JMJD1C: variants seen among roughly 807,000 people sequenced by gnomAD.
JMJD1C encodes jumonji domain-containing protein 1C.
A neutral mutation model predicts 245.3 loss-of-function variants in JMJD1C; 31 were observed. The ratio of observed to expected loss-of-function variants is 0.13; its 90% CI spans 0.09 to 0.17. The LOEUF is 0.17. JMJD1C is among the 10% of genes least tolerant of loss of function. JMJD1C has a pLI of 1.00. For synonymous variants in JMJD1C, 1,057 were observed against 1,017.4 expected (o/e 1.04, Z -0.74); for missense variants, 2,691 against 3,000.2 (o/e 0.90, Z 2.41).
intron 1 of JMJD1C, among the ~76,000 whole-genome samples, chr10:63,436,189 G>A (rs1390480048): frequency 6.6e-6 from 1 of 152,132 alleles, no homozygotes; most frequent in Non-Finnish European, 1.5e-5. Context: ...TTAAGTAGTA[G>A]CCGAATTCAA....
At position 63,206,877 on chromosome 10, in the gene JMJD1C, C is replaced by G; in HGVS notation, c.4792G>C (p.Val1598Leu). 6.2e-7 allele frequency: 1 copy of G among 1,609,034 alleles called. No individual in the cohort carries two copies. Among genetic ancestry groups the G allele is most frequent in the African/African-American group, 1.3e-5 (1 of 74,784 alleles). ...ASTSSDIQNS[V>L]DSKIIVDKYV... ...TTATCAACTATGATCTTACTATCTA[C>G]ACTATTTTGTATATCACTAGATGTA... The change falls in exon 10 of 26, where the codon GTA becomes CTA. Residue 1598 changes from valine (V) to leucine (L), a missense_variant. This residue lies in a region of JMJD1C where 144 missense variants were observed against 143.3 expected (regional missense o/e 1.00). Coordinates refer to ENST00000399262, the MANE Select transcript of JMJD1C (RefSeq NM_032776.3).
intron 11 of JMJD1C, 31 bp downstream of exon 11, chr10:63,200,445 A>T: frequency 6.6e-7 from 1 of 1,514,258 alleles, no homozygotes; most frequent in Non-Finnish European, 9.2e-7. Context: ...TCAATAAATT[A>T]CTTTTTTCCC....
intron 1 of JMJD1C, among the ~76,000 whole-genome samples, chr10:63,414,939 A>G (rs1276453405): frequency 5.6e-5 from 3 of 53,218 alleles, no homozygotes; most frequent in Admixed American, 1.6e-4. Context: ...AACACTAGAG[A>G]AAAAAAAAAA....
intron 2 of JMJD1C, among the ~76,000 whole-genome samples, chr10:63,280,324 C>A (rs544151021): frequency 6.6e-6 from 1 of 151,960 alleles, no homozygotes; most frequent in African/African-American, 2.4e-5. Flanking sequence ...CTGCGGTGGA[C>A]GGATCACAAG....
At chr10:63,363,934 C>G (rs1191313343) in intron 2 of JMJD1C, among the ~76,000 whole-genome samples, 1 of 150,434 alleles carries the variant, frequency 6.6e-6, no homozygotes, top group African/African-American at 2.4e-5. Context: ...CAGCTCACTA[C>G]AGCCTCCACC....
At chr10:63,501,960 T>C (rs1954576243) in intron 1 of JMJD1C, among the ~76,000 whole-genome samples, 1 of 152,142 alleles carries the variant, frequency 6.6e-6, no homozygotes, top group Admixed American at 6.5e-5. Flanking sequence ...GTATTTAAAA[T>C]ACGGCCAAAT....
At chr10:63,515,446 G>A (rs1433564993) in intron 1 of JMJD1C, among the ~76,000 whole-genome samples, 1 of 152,142 alleles carries the variant, frequency 6.6e-6, no homozygotes, top group South Asian at 2.1e-4. Context: ...AAACTACGGG[G>A]GCTTCCTTAG....
At chr10:63,337,575 A>AG (rs1302931247) in intron 2 of JMJD1C, among the ~76,000 whole-genome samples, 44 of 69,900 alleles carry the variant, frequency 6.3e-4, no homozygotes, top group African/African-American at 3.8e-3. Flanking sequence ...AAAGAAAAGA[A>AG]AAGAAAAGAA....
chr10:63,238,693 T>A (rs777378629), intron 3 of JMJD1C, among the ~76,000 whole-genome samples: 3 of 152,206 alleles, frequency 2.0e-5, no homozygotes, highest in Non-Finnish European at 4.4e-5. Flanking sequence ...CCATCACCAC[T>A]TTTTAAAGTG....
chr10:63,383,837 GGCT>G (rs1338399926), intron 1 of JMJD1C, among the ~76,000 whole-genome samples: 1 of 152,140 alleles, frequency 6.6e-6, no homozygotes, highest in African/African-American at 2.4e-5. Context: ...CAACGTTTTT[GGCT>G]GCTGACTGCT....
intron 1 of JMJD1C, among the ~76,000 whole-genome samples, chr10:63,389,756 G>A (rs562820096): frequency 1.2e-4 from 18 of 152,046 alleles, no homozygotes; most frequent in Non-Finnish European, 2.6e-4. Context: ...GGAAGTGTAC[G>A]AATACATGGA....
chr10:63,177,444 T>C, intron 23 of JMJD1C: 1 of 343,822 alleles, frequency 2.9e-6, no homozygotes. Context: ...CCAACTAATA[T>C]CTGGCTCAAG....
chr10:63,188,610 T>G (rs1844412629), intron 18 of JMJD1C, among the ~76,000 whole-genome samples: 1 of 152,240 alleles, frequency 6.6e-6, no homozygotes, highest in African/African-American at 2.4e-5. Flanking sequence ...AATTTTTGCA[T>G]TAATGTAGTA....
At chr10:63,248,529 GATAAATAAATAAATAA>G (rs373943626) in intron 3 of JMJD1C, among the ~76,000 whole-genome samples, 3 of 137,058 alleles carry the variant, frequency 2.2e-5, no homozygotes, top group East Asian at 2.2e-4. Flanking sequence ...TCAATAGATA[GATAAATAAATAAATAA>G]ATAAATAAAT....
chr10:63,363,065 T>A (rs973773527), intron 2 of JMJD1C, among the ~76,000 whole-genome samples: 1 of 152,000 alleles, frequency 6.6e-6, no homozygotes, highest in African/African-American at 2.4e-5. Flanking sequence ...AAAGAACCAC[T>A]TAGAAAAAGG....
At chr10:63,458,680 A>G (rs752030301) in intron 1 of JMJD1C, among the ~76,000 whole-genome samples, 10 of 151,592 alleles carry the variant, frequency 6.6e-5, no homozygotes, top group Non-Finnish European at 4.4e-5. Flanking sequence ...TTGGTATTAA[A>G]AGTTTATTGG....
chr10:63,327,842 A>C (rs1432675827), intron 2 of JMJD1C, among the ~76,000 whole-genome samples: 1 of 151,770 alleles, frequency 6.6e-6, no homozygotes, highest in African/African-American at 2.4e-5. Flanking sequence ...CTAATTTTGT[A>C]TTTTTTTAGT....
At chr10:63,231,247 AC>A (rs1216777470) in intron 3 of JMJD1C, among the ~76,000 whole-genome samples, 1 of 152,210 alleles carries the variant, frequency 6.6e-6, no homozygotes, top group African/African-American at 2.4e-5. Flanking sequence ...TTCTGTGATT[AC>A]TTTGATTTTC....
chr10:63,438,610 C>T (rs538062047), intron 1 of JMJD1C, among the ~76,000 whole-genome samples: 1 of 152,246 alleles, frequency 6.6e-6, no homozygotes, highest in South Asian at 2.1e-4. Flanking sequence ...CCATCCTGTT[C>T]CCCTTCTGAT....
Sources: gnomAD v4.1 joint callset for allele counts (sites outside exome capture counted in the v4.1 genomes callset) on GRCh38, gnomAD v4.1.1 for gene constraint, gnomAD v4.1.1 regional missense constraint, MANE v1.5 for transcripts, NCBI Gene and HGNC (gene_info 2026-07-23, HGNC 2026-07-21) for gene names.